MOK: variants seen among roughly 807,000 people sequenced by gnomAD.
MOK encodes MOK protein kinase, also known as MAPK/MAK/MRK overlapping kinase.
Under a neutral mutation model 54.2 loss-of-function variants are expected in MOK, and 59 were observed. The observed-to-expected ratio is 1.09, with a 90% confidence interval of 0.88 to 1.35. The LOEUF (loss-of-function observed/expected upper bound fraction) is 1.35, where lower values mean the gene tolerates loss of function less well. Ranked by LOEUF, MOK falls within the 40% of genes most tolerant of loss-of-function variation. MOK has a pLI of 0.00. For missense variants in MOK, 517 were observed against 526.2 expected (o/e 0.98, Z 0.17); for synonymous variants, 210 against 202.7 (o/e 1.04, Z -0.31).
At chr14:102,223,075 C>T, downstream of MOK, 3 of 540,124 alleles carry the variant, frequency 5.6e-6, no homozygotes, top group Non-Finnish European at 3.2e-6. Context: ...AAGTTGTTTC[C>T]ATTTTAAACC....
downstream of MOK, among the ~76,000 whole-genome samples, chr14:102,219,820 C>G (rs968575047): frequency 6.6e-6 from 1 of 152,210 alleles, no homozygotes; most frequent in Admixed American, 6.5e-5. Context: ...CCCCCAGTTC[C>G]GTTATGCCAG....
chr14:102,229,515 C>A lies in MOK; in HGVS notation c.1124G>T (p.Gly375Val), dbSNP rs754398378. 6.2e-7 allele frequency: 1 copy of A among 1,614,160 alleles called. No homozygotes were observed. Among genetic ancestry groups the A allele is most frequent in the Non-Finnish European group, 8.5e-7 (1 of 1,180,028 alleles). ...CAGCACCGGCACTCTTCCATTTGTTCCAGATCCAAGCACGGACTGCAGCGT... is the reference window on the plus strand; with the variant it reads ...CAGCACCGGCACTCTTCCATTTGTTACAGATCCAAGCACGGACTGCAGCGT... ...SPTLQSVLGSGTNGRVPVLRP... is the reference protein window; with the variant it reads ...SPTLQSVLGSVTNGRVPVLRP... Residue 375 changes from glycine (G) to valine (V), a missense_variant, in exon 11 of 12, where the codon GGA (glycine) becomes GTA (valine). Transcript: ENST00000361847.
At chr14:102,241,350 T>C (rs2065700576) in intron 7 of MOK, among the ~76,000 whole-genome samples, 1 of 151,988 alleles carries the variant, frequency 6.6e-6, no homozygotes, top group African/African-American at 2.4e-5. Context: ...TTTAATCACC[T>C]CCCATCCTCA....
At chr14:102,298,650 C>T (rs531637413) in intron 1 of MOK, among the ~76,000 whole-genome samples, 12 of 152,284 alleles carry the variant, frequency 7.9e-5, no homozygotes, top group African/African-American at 2.4e-4. Flanking sequence ...GACCAATCAG[C>T]AGGATGTGGG....
At chr14:102,229,880 C>T (rs1474181385) in intron 10 of MOK, 8 of 551,926 alleles carry the variant, frequency 1.4e-5, no homozygotes, top group South Asian at 2.4e-5. Context: ...TGAAGAATGC[C>T]GACTGCAAGC....
intron 2 of MOK, among the ~76,000 whole-genome samples, chr14:102,282,731 C>T (rs1342941251): frequency 2.0e-5 from 3 of 151,560 alleles, no homozygotes; most frequent in Non-Finnish European, 4.4e-5. Context: ...GAGACCCTGT[C>T]TCAAACAAAA....
intron 7 of MOK, among the ~76,000 whole-genome samples, chr14:102,241,281 C>T (rs186030301): frequency 4.2e-4 from 64 of 152,272 alleles, no homozygotes; most frequent in Admixed American, 1.7e-3. Context: ...GGCTAATCCT[C>T]GCCAGGCTGA....
At chr14:102,298,073 G>A (rs1468678598) in intron 1 of MOK, among the ~76,000 whole-genome samples, 1 of 152,256 alleles carries the variant, frequency 6.6e-6, no homozygotes, top group African/African-American at 2.4e-5. Flanking sequence ...GAGGGGTGCA[G>A]GCACATGGTG....
chr14:102,292,791 T>G (rs928241746), intron 1 of MOK, among the ~76,000 whole-genome samples: 3 of 152,182 alleles, frequency 2.0e-5, no homozygotes, highest in African/African-American at 7.2e-5. Flanking sequence ...TAAATATTAT[T>G]TTAGTATTAA....
rs940593640 is a variant in MOK, at chr14:102,249,011, G to A, written c.590+1801C>T. Among the ~76,000 whole-genome samples the A allele has an allele frequency of 6.6e-6, 1 of 151,542 alleles. No homozygotes were observed. The highest frequency in any genetic ancestry group is 2.4e-5 in the African/African-American group (1 of 40,992). On this transcript the variant is annotated intron_variant, in intron 7 of 11. Transcript: ENST00000361847. The surrounding 1 kb of genome is among the most constrained non-coding windows in gnomAD (Gnocchi z 5.3). ...CTAGTCCCCTCGACCAGGCAGACTC[G>A]CTCACACGGAACGCGAGGAACTCAG...
intron 6 of MOK, chr14:102,251,524 G>A (rs186501100): frequency 9.9e-6 from 6 of 607,802 alleles, no homozygotes; most frequent in East Asian, 3.4e-5. Flanking sequence ...TTTTGTCTGC[G>A]GTGTGAAAAT....
downstream of MOK, among the ~76,000 whole-genome samples, chr14:102,219,567 C>T (rs2063644916): frequency 6.6e-6 from 1 of 152,218 alleles, no homozygotes; most frequent in South Asian, 2.1e-4. Flanking sequence ...GCTTCGCCTT[C>T]CGGTTAACTC....
intron 7 of MOK, among the ~76,000 whole-genome samples, chr14:102,246,959 G>C (rs1013032144): frequency 6.6e-6 from 1 of 152,056 alleles, no homozygotes; most frequent in African/African-American, 2.4e-5. Context: ...GACAGGCTTC[G>C]TTTATCTAGC....
the MOK span, among the ~76,000 whole-genome samples, chr14:102,215,602 C>T: frequency 6.6e-6 from 1 of 152,148 alleles, no homozygotes; most frequent in Admixed American, 6.5e-5. Context: ...GGTATTTTTC[C>T]TTATGCTCTC....
chr14:102,271,497 T>C (rs1276994016), intron 2 of MOK, among the ~76,000 whole-genome samples: 1 of 152,148 alleles, frequency 6.6e-6, no homozygotes, highest in Non-Finnish European at 1.5e-5. Context: ...CAGCAAAAAA[T>C]GGAGGAATGA....
intron 1 of MOK, among the ~76,000 whole-genome samples, chr14:102,295,961 C>A (rs915908318): frequency 6.6e-6 from 1 of 152,090 alleles, no homozygotes; most frequent in Non-Finnish European, 1.5e-5. Flanking sequence ...CATAGCAACA[C>A]CTGGCTAGGC....
chr14:102,250,822 C>G lies in MOK; in HGVS notation c.580G>C (p.Glu194Gln), dbSNP rs370137423. 4.3e-6 allele frequency: 7 copies of G among 1,613,536 alleles called. No homozygotes were observed. Among genetic ancestry groups the G allele is most frequent in the Non-Finnish European group, 5.9e-6 (7 of 1,179,762 alleles). ...CTGGCCTGGTGCTACCTGGCGATCT[C>G]GTAGAACACACAGCCGGCGCTCCAC... is the stretch of plus-strand genomic sequence containing the variant. ...DLWSAGCVFY[E>Q]IASLQPLFPG... is the part of the protein sequence containing the mutation. The change falls in exon 7 of 12, where the codon GAG becomes CAG. Residue 194 changes from glutamate (E) to glutamine (Q), a missense_variant. By Grantham distance (29) the Glu-to-Gln change is conservative. Coordinates refer to ENST00000361847, the MANE Select transcript of MOK (RefSeq NM_014226.3).
chr14:102,304,832 C>A (rs1436311530), intron 1 of MOK, 130 bp downstream of exon 1: 3 of 1,051,292 alleles, frequency 2.9e-6, no homozygotes, highest in Admixed American at 2.2e-5. Context: ...GCCTCCCGGG[C>A]CTGTCGAGCC....
chr14:102,233,043 T>C (rs1166561588), intron 8 of MOK: 1 of 180,444 alleles, frequency 5.5e-6, no homozygotes. Flanking sequence ...TAGTCTATTA[T>C]AAAGGGGGGG....
Sources: gnomAD v4.1 joint callset for allele counts (sites outside exome capture counted in the v4.1 genomes callset) on GRCh38, gnomAD v4.1.1 for gene constraint, Gnocchi (gnomAD v3.1) non-coding constraint, MANE v1.5 for transcripts, NCBI Gene and HGNC (gene_info 2026-07-23, HGNC 2026-07-21) for gene names.